The following ALDH18A1 variants were observed in gnomAD, a reference collection of about 807,000 sequenced individuals.
The protein encoded by ALDH18A1 is delta-1-pyrroline-5-carboxylate synthase.
A neutral mutation model predicts 88.8 loss-of-function variants in ALDH18A1; 44 were observed. That is an observed-to-expected ratio of 0.50 (90% CI 0.39 to 0.64). The LOEUF is 0.64. Among genes scored for constraint, ALDH18A1 ranks in the 30% least tolerant of loss-of-function variants. The probability of loss-of-function intolerance (pLI) is 0.00; values close to 1 mark genes in which losing one functional copy is unlikely to be tolerated. For missense variants in ALDH18A1, 782 were observed against 1,009.5 expected (o/e 0.77, Z 3.05); for synonymous variants, 331 against 372.1 (o/e 0.89, Z 1.27).
At chr10:95,639,729 A>G (rs2097887811) in intron 3 of ALDH18A1, among the ~76,000 whole-genome samples, 1 of 152,062 alleles carries the variant, frequency 6.6e-6, no homozygotes, top group Admixed American at 6.6e-5. Flanking sequence ...CTGCATTACA[A>G]ATTAATTGAA....
At chr10:95,631,175 T>C (rs895504097) in intron 7 of ALDH18A1, among the ~76,000 whole-genome samples, 2 of 151,520 alleles carry the variant, frequency 1.3e-5, no homozygotes, top group Non-Finnish European at 2.9e-5. Context: ...TTGAGAGGAG[T>C]GAATGGAAAG....
intron 12 of ALDH18A1, among the ~76,000 whole-genome samples, chr10:95,616,986 C>T (rs1401824791): frequency 6.6e-6 from 1 of 152,178 alleles, no homozygotes; most frequent in Non-Finnish European, 1.5e-5. Context: ...GTGGCTCACG[C>T]CTGTAATCTC....
chr10:95,652,986 A>G (rs551340230), intron 2 of ALDH18A1, among the ~76,000 whole-genome samples: 10 of 152,220 alleles, frequency 6.6e-5, no homozygotes, highest in African/African-American at 2.4e-4. Flanking sequence ...CAAGAGTTCA[A>G]GACCAGCCTG....
At chr10:95,643,686 TTAA>T (rs1830613144) in intron 2 of ALDH18A1, among the ~76,000 whole-genome samples, 1 of 152,326 alleles carries the variant, frequency 6.6e-6, no homozygotes, top group African/African-American at 2.4e-5. Context: ...ATGGATAAAA[TTAA>T]TGAAAAATTA....
At chr10:95,610,056 C>A (rs1459145546) in intron 17 of ALDH18A1, 141 bp downstream of exon 17, 17 of 824,046 alleles carry the variant, frequency 2.1e-5, no homozygotes, top group Non-Finnish European at 3.3e-5. Flanking sequence ...AGGCGTGAGC[C>A]ACGGCACCCA....
At chr10:95,637,020 G>A in intron 5 of ALDH18A1, 73 bp downstream of exon 5, 1 of 1,360,094 alleles carries the variant, frequency 7.4e-7, no homozygotes, top group African/African-American at 1.4e-5. Context: ...CCAATAGTCT[G>A]GCTCCAGACC....
At position 95,614,171 on chromosome 10, in the gene ALDH18A1, G is replaced by C. The variant is rs750458447; in HGVS notation, c.1606-10C>G. 2.5e-6 allele frequency: 4 copies of C among 1,613,424 alleles called. No individual in the cohort carries two copies. The Admixed American group carries it at 6.7e-5, about 27-fold the overall frequency. ...CTTCTCTGGTATTCACCTTTAGAAG[G>C]AAAGAAGAAAAAGATAAAGATGACA... On this transcript the variant is annotated splice_polypyrimidine_tract_variant and intron_variant, in intron 13 of 17. Coordinates refer to ENST00000371224, the MANE Select transcript of ALDH18A1 (RefSeq NM_002860.4).
intron 7 of ALDH18A1, among the ~76,000 whole-genome samples, chr10:95,632,004 T>C (rs567394432): frequency 6.6e-6 from 1 of 152,148 alleles, no homozygotes; most frequent in South Asian, 2.1e-4. Flanking sequence ...AACTGATAAA[T>C]AAAACATGGT....
chr10:95,607,470 A>C (rs58419111), intron 17 of ALDH18A1, among the ~76,000 whole-genome samples: 63,836 of 152,030 alleles, frequency 0.42, 15,296 homozygotes, highest in Non-Finnish European at 0.54. Flanking sequence ...GACCTAGGGA[A>C]CGTCAGGGGT....
At chr10:95,630,822 C>G (rs2139601144) in intron 7 of ALDH18A1, among the ~76,000 whole-genome samples, 1 of 152,292 alleles carries the variant, frequency 6.6e-6, no homozygotes, top group East Asian at 1.9e-4. Flanking sequence ...CCTGGGACTT[C>G]AAATTACAGT....
At chr10:95,642,423 G>T (rs946669895) in intron 3 of ALDH18A1, among the ~76,000 whole-genome samples, 2 of 152,098 alleles carry the variant, frequency 1.3e-5, no homozygotes, top group African/African-American at 4.8e-5. Context: ...AAACCAGCCT[G>T]AGCAACATAG....
intron 5 of ALDH18A1, 142 bp from the exon 6 acceptor site, chr10:95,633,791 A>G: frequency 1.6e-6 from 1 of 636,202 alleles, no homozygotes; most frequent in Non-Finnish European, 2.7e-6. Flanking sequence ...TGAAATACAC[A>G]TATCTGGGTG....
chr10:95,627,142 C>T (rs2097861559), intron 9 of ALDH18A1, among the ~76,000 whole-genome samples: 1 of 152,106 alleles, frequency 6.6e-6, no homozygotes, highest in African/African-American at 2.4e-5. Context: ...CATACTGTAT[C>T]ATATGCATCT....
intron 15 of ALDH18A1, 94 bp downstream of exon 15, chr10:95,613,648 T>G (rs1736904468): frequency 6.6e-7 from 1 of 1,512,766 alleles, no homozygotes; most frequent in African/African-American, 1.4e-5. Flanking sequence ...AAAATATTGT[T>G]TCTTAAACTG....
intron 3 of ALDH18A1, 80 bp from the exon 4 acceptor site, chr10:95,637,516 G>A: frequency 1.3e-6 from 2 of 1,551,568 alleles, no homozygotes; most frequent in Non-Finnish European, 8.8e-7. Context: ...GAGGTAGGGT[G>A]GGCTATCGAG....
At chr10:95,625,214 C>T (rs1396342936) in intron 11 of ALDH18A1, 148 bp downstream of exon 11, 7 of 772,452 alleles carry the variant, frequency 9.1e-6, no homozygotes, top group Non-Finnish European at 1.6e-5. Flanking sequence ...CAGCCACCCA[C>T]CTACCCTCAA....
At chr10:95,615,479 T>C (rs958894338) in intron 13 of ALDH18A1, among the ~76,000 whole-genome samples, 1 of 152,162 alleles carries the variant, frequency 6.6e-6, no homozygotes, top group African/African-American at 2.4e-5. Flanking sequence ...TTGATACGGC[T>C]GGTGGTTATA....
intron 15 of ALDH18A1, among the ~76,000 whole-genome samples, chr10:95,613,113 A>G (rs185285273): frequency 1.2e-4 from 18 of 152,390 alleles, no homozygotes; most frequent in Admixed American, 1.0e-3. Context: ...CCATGCAGAG[A>G]GTTTAACAGA....
chr10:95,611,147 A>G, intron 16 of ALDH18A1, 109 bp downstream of exon 16: 1 of 1,319,054 alleles, frequency 7.6e-7, no homozygotes, highest in Non-Finnish European at 1.1e-6. Flanking sequence ...AAACATTACC[A>G]TAAGCCTACT....
Sources: allele counts gnomAD v4.1 joint callset (sites outside exome capture counted in the v4.1 genomes callset), GRCh38; gene constraint gnomAD v4.1.1; transcripts MANE v1.5; gene names NCBI Gene and HGNC (gene_info 2026-07-23, HGNC 2026-07-21).